Variants in CCDC181 observed in about 807,000 individuals in gnomAD.
The protein encoded by CCDC181 is coiled-coil domain-containing protein 181.
CCDC181 carries 35 observed loss-of-function variants against 58.7 expected under a neutral mutation model. The ratio of observed to expected loss-of-function variants is 0.60; its 90% CI spans 0.46 to 0.79. CCDC181 has a LOEUF of 0.79. Ranked by LOEUF, CCDC181 falls within the 30% of genes least tolerant of loss-of-function variation. The pLI, the probability that CCDC181 is intolerant of heterozygous loss-of-function variation, is 0.00. For missense variants in CCDC181, 517 were observed against 583.9 expected (o/e 0.89, Z 1.18); for synonymous variants, 183 against 197.5 (o/e 0.93, Z 0.62).
rs1262258510 is a variant in CCDC181, at chr1:169,397,347, T to A, written c.1260A>T (p.Lys420Asn). 6.2e-7 allele frequency: 1 copy of A among 1,611,500 alleles called. No homozygotes were observed. Among genetic ancestry groups the A allele is most frequent in the African/African-American group, 1.3e-5 (1 of 74,816 alleles). Residue 420 changes from lysine to asparagine, a missense_variant, in exon 5 of 6, where the codon AAA becomes AAT. Lys to Asn is a moderately conservative substitution (Grantham distance 94). Coordinates refer to ENST00000367806, the MANE Select transcript of CCDC181 (RefSeq NM_001300969.2). ...CTTTCATCTGCTCTTCGTGCTTTTT[T>A]TTAAGCCATAATCGAAAAGCTTGTT... is the stretch of plus-strand genomic sequence containing the variant. Reference protein sequence around the residue: ...DPQQAFRLWLKKKHEEQMKER... With the variant: ...DPQQAFRLWLNKKHEEQMKER...
intron 4 of CCDC181, among the ~76,000 whole-genome samples, chr1:169,417,358 G>T (rs780687837): frequency 6.6e-6 from 1 of 152,246 alleles, no homozygotes; most frequent in Non-Finnish European, 1.5e-5. Flanking sequence ...TGATTAATTT[G>T]CTAGAGCAAC....
In CCDC181 at chr1:169,421,699, A is replaced by G; in HGVS notation, c.732T>C (p.Asn244=). ...ASQGFLPPIN[N]ANSTENDPQQ... is the part of the protein sequence containing the mutation. ...GAGGGTCATTTTCTGTACTATTTGCATTATTAATGGGAGGCAAAAACCCCT... is the reference window on the plus strand; with the variant it reads ...GAGGGTCATTTTCTGTACTATTTGCGTTATTAATGGGAGGCAAAAACCCCT... Residue 244 remains asparagine, a synonymous_variant, in exon 3 of 6, where the codon AAT becomes AAC. Coordinates refer to ENST00000367806, the MANE Select transcript of CCDC181 (RefSeq NM_001300969.2). 1.9e-6 allele frequency: 3 copies of G among 1,614,046 alleles called. No individual in the cohort carries two copies. The highest frequency in any genetic ancestry group is 1.7e-6 in the Non-Finnish European group (2 of 1,179,996).
At chr1:169,399,108 T>G (rs1174679488) in intron 4 of CCDC181, among the ~76,000 whole-genome samples, 2 of 152,230 alleles carry the variant, frequency 1.3e-5, no homozygotes, top group Non-Finnish European at 2.9e-5. Context: ...GTAGGAACTT[T>G]GGATTTCATT....
intron 2 of CCDC181, chr1:169,442,496 C>T (rs1657257542): frequency 1.3e-5 from 2 of 151,930 alleles, no homozygotes; most frequent in South Asian, 4.1e-4. Context: ...AATTTCTAGT[C>T]CAGAAAGTAG....
intron 2 of CCDC181, among the ~76,000 whole-genome samples, chr1:169,441,770 T>C (rs1321831855): frequency 1.3e-5 from 2 of 151,818 alleles, no homozygotes; most frequent in African/African-American, 4.8e-5. Flanking sequence ...ACTATAGGCA[T>C]TGAAAAATGT....
In CCDC181 at chr1:169,405,899, T is replaced by C. The variant is rs1198834272; in HGVS notation, c.1216-8508A>G. Among the ~76,000 whole-genome samples, 12 of 152,234 alleles carry C rather than the reference T, an allele frequency of 7.9e-5. No homozygotes were observed. The East Asian group carries it at 1.7e-3, about 22-fold the overall frequency. ...AGAATGGGGGAAAATTTTTACAATC[T>C]ACCCATCTGACAAAGGGCTAATATC... On this transcript the variant is annotated intron_variant, in intron 4 of 5. Coordinates refer to ENST00000367806, the MANE Select transcript of CCDC181 (RefSeq NM_001300969.2).
intron 2 of CCDC181, among the ~76,000 whole-genome samples, chr1:169,434,379 C>T (rs1019181758): frequency 1.3e-5 from 2 of 151,840 alleles, no homozygotes; most frequent in Non-Finnish European, 2.9e-5. Context: ...ATGGCAATTC[C>T]TCAAAAAATT....
intron 2 of CCDC181, among the ~76,000 whole-genome samples, chr1:169,438,755 G>A (rs1657124619): frequency 6.6e-6 from 1 of 152,144 alleles, no homozygotes; most frequent in Non-Finnish European, 1.5e-5. Context: ...AGACAGGCCT[G>A]TTGAGCTTTC....
chr1:169,444,621 G>C (rs746732097), intron 2 of CCDC181, among the ~76,000 whole-genome samples: 4 of 152,106 alleles, frequency 2.6e-5, no homozygotes, highest in Admixed American at 2.0e-4. Flanking sequence ...TAAAAATTGG[G>C]ATTTTTTTAA....
chr1:169,452,601 G>A (rs1490181525), intron 2 of CCDC181: 1 of 152,014 alleles, frequency 6.6e-6, no homozygotes, highest in African/African-American at 2.4e-5. Flanking sequence ...TCCTAACAAT[G>A]TATTTATGTG....
At chr1:169,396,473 T>G (rs1482253552) in intron 5 of CCDC181, 1 of 152,120 alleles carries the variant, frequency 6.6e-6, no homozygotes, top group Non-Finnish European at 1.5e-5. Flanking sequence ...GGAAAATCAC[T>G]TGAACCTGGG....
chr1:169,451,329 T>C (rs1456411095), intron 2 of CCDC181: 1 of 152,152 alleles, frequency 6.6e-6, no homozygotes, highest in Non-Finnish European at 1.5e-5. Flanking sequence ...AAAATTTTTA[T>C]TTTAATGGTA....
At chr1:169,403,160 A>G (rs1655451660) in intron 4 of CCDC181, among the ~76,000 whole-genome samples, 1 of 152,230 alleles carries the variant, frequency 6.6e-6, no homozygotes, top group South Asian at 2.1e-4. Context: ...AGATTCATAA[A>G]GCAAACCCTT....
At position 169,421,538 on chromosome 1, in the gene CCDC181, C is replaced by T. The variant is rs370836189; in HGVS notation, c.893G>A (p.Arg298His). The T allele has an allele frequency of 6.2e-6, 10 of 1,613,896 alleles. No homozygotes were observed. The highest frequency in any genetic ancestry group is 4.5e-5 in the East Asian group (2 of 44,894). Residue 298 changes from arginine to histidine, a missense_variant, in exon 3 of 6, where the codon CGC becomes CAC. Coordinates refer to ENST00000367806, the MANE Select transcript of CCDC181 (RefSeq NM_001300969.2). ...GACAGCAGAGCTTGGACAAGTCTTG[C>T]GGTTGAGTGGTGGCTGAGCGATATA... The part of the protein sequence containing the change: ...LAYIAQPPLN[R>H]KTCPSSAVNS...
chr1:169,445,891 G>A lies in CCDC181; in HGVS notation c.-24+13906C>T, dbSNP rs1411904515. Among the ~76,000 whole-genome samples the A allele has an allele frequency of 2.6e-5, 4 of 152,082 alleles. 1 individual carries two copies. The highest frequency in any genetic ancestry group is 5.9e-5 in the Non-Finnish European group (4 of 68,006). On this transcript the variant is annotated intron_variant, in intron 2 of 6. Coordinates refer to the CCDC181 transcript ENST00000545005. ...TTATCAAATCTGTGTGCATAGAGCT[G>A]TTCATATTACTTCTTTATTATCCTA...
chr1:169,403,597 G>A (rs1655479876), intron 4 of CCDC181, among the ~76,000 whole-genome samples: 1 of 152,192 alleles, frequency 6.6e-6, no homozygotes, highest in South Asian at 2.1e-4. Context: ...AAATAAAGAT[G>A]TTCTTTGAAA....
chr1:169,438,135 T>C (rs1447663939), intron 2 of CCDC181, among the ~76,000 whole-genome samples: 3 of 152,236 alleles, frequency 2.0e-5, no homozygotes, highest in South Asian at 4.1e-4. Flanking sequence ...CTCCATTATA[T>C]AAAGACAAAT....
rs555337860 is a variant in CCDC181, at chr1:169,435,679, C to G, written c.-23-10729G>C. On this transcript the variant is annotated intron_variant, in intron 2 of 6. Coordinates refer to the CCDC181 transcript ENST00000545005. ...ACAAAGTGCTTAACAGGGACTATTA[C>G]ATTACATAGTTTTCCAAAAGGATGA... Among the ~76,000 whole-genome samples the G allele has an allele frequency of 7.2e-5, 11 of 152,218 alleles. No individual in the cohort carries two copies. In the South Asian group the frequency reaches 2.3e-3, roughly 32 times the overall value.
intron 4 of CCDC181, among the ~76,000 whole-genome samples, chr1:169,401,368 G>GCCCAAGTAGGCTAACTGGGAGACACCT (rs1430237882): frequency 3.9e-5 from 6 of 152,244 alleles, no homozygotes; most frequent in Non-Finnish European, 5.9e-5. Flanking sequence ...GGTCCCTGAC[G>GCCCAAGTAGGCTAACTGGGAGACACCT]CCCAAGTAGG....
Sources: gnomAD v4.1 joint callset for allele counts (sites outside exome capture counted in the v4.1 genomes callset) on GRCh38, gnomAD v4.1.1 for gene constraint, MANE v1.5 for transcripts, NCBI Gene and HGNC (gene_info 2026-07-23, HGNC 2026-07-21) for gene names.